GRIN3A: variants seen among roughly 807,000 people sequenced by gnomAD.
The protein encoded by GRIN3A is glutamate receptor ionotropic, NMDA 3A.
A neutral mutation model predicts 92.4 loss-of-function variants in GRIN3A; 47 were observed. The ratio of observed to expected loss-of-function variants is 0.51; its 90% CI spans 0.40 to 0.65. The LOEUF is 0.65. Ranked by LOEUF, GRIN3A falls within the 30% of genes least tolerant of loss-of-function variation. The pLI is 0.00. For synonymous variants in GRIN3A, 527 were observed against 540.6 expected, an observed-to-expected ratio of 0.97 and a Z score of 0.35; for missense variants, 1,324 against 1,393.1, an observed-to-expected ratio of 0.95 and a Z score of 0.79.
chr9:101,605,020 C>T (rs1828260595), intron 6 of GRIN3A, among the ~76,000 whole-genome samples: 2 of 152,204 alleles, frequency 1.3e-5, no homozygotes, highest in South Asian at 2.1e-4. Flanking sequence ...GTCTGGGTCC[C>T]TGGCCAGGGA....
At chr9:101,646,116 T>G (rs1805670609) in intron 3 of GRIN3A, among the ~76,000 whole-genome samples, 1 of 151,940 alleles carries the variant, frequency 6.6e-6, no homozygotes, top group South Asian at 2.1e-4. Context: ...ACGTTGCTTG[T>G]GCTTTTGAGA....
chr9:101,607,422 C>CAA (rs1828301302), intron 6 of GRIN3A, among the ~76,000 whole-genome samples: 1 of 152,094 alleles, frequency 6.6e-6, no homozygotes, highest in South Asian at 2.1e-4. Context: ...CTGTAACTAG[C>CAA]AAAATGGTAT....
intron 1 of GRIN3A, among the ~76,000 whole-genome samples, chr9:101,702,456 C>A (rs1213895290): frequency 6.6e-6 from 1 of 152,138 alleles, no homozygotes; most frequent in African/African-American, 2.4e-5. Context: ...CTCTACATAC[C>A]TTTCAGCACA....
At chr9:101,669,240 C>A (rs1168968931) in intron 3 of GRIN3A, among the ~76,000 whole-genome samples, 2 of 152,104 alleles carry the variant, frequency 1.3e-5, no homozygotes. Flanking sequence ...TTGGGCTGGA[C>A]TAATTTTCTG....
Position 101,670,396 on chromosome 9 carries a change from T to A in GRIN3A, c.2016A>T (p.Pro672=), listed in dbSNP as rs752365688. The A allele has an allele frequency of 2.5e-6, 4 of 1,613,790 alleles. No homozygotes were observed. The highest frequency in any genetic ancestry group is 3.4e-6 in the Non-Finnish European group (4 of 1,179,916). ...TCCCCAGCCACATTGTCCAGTGGAG[T>A]GGCCACATGAAGGCTCCAATGGGAG... is the stretch of plus-strand genomic sequence containing the variant. ...TAAPIGAFMW[P]LHWTMWLGIF... The change falls in exon 3 of 9, where the codon CCA becomes CCT. Residue 672 remains proline, a synonymous_variant. Transcript: ENST00000361820.
At position 101,628,438 on chromosome 9, in the gene GRIN3A, T is replaced by G. The variant is rs1182013334; in HGVS notation, c.2353-37A>C. 10 of 1,593,144 alleles carry G rather than the reference T, an allele frequency of 6.3e-6. No individual in the cohort carries two copies. In the African/African-American group the frequency reaches 9.4e-5, roughly 15 times the overall value. On this transcript the variant is annotated intron_variant, in intron 3 of 8. Coordinates refer to ENST00000361820, the MANE Select transcript of GRIN3A (RefSeq NM_133445.3). Reference sequence around the variant, plus strand: ...AAAAAGAAATGGCTTAAATAAAAATTATTCTTAGAAGTGTTTTTTAACATT... The same window carrying G: ...AAAAAGAAATGGCTTAAATAAAAATGATTCTTAGAAGTGTTTTTTAACATT...
At chr9:101,578,799 CA>C (rs1473092651) in intron 7 of GRIN3A, among the ~76,000 whole-genome samples, 1 of 152,150 alleles carries the variant, frequency 6.6e-6, no homozygotes, top group Non-Finnish European at 1.5e-5. Flanking sequence ...GCAGAGAGAA[CA>C]GGGGCAAGTG....
chr9:101,716,986 C>T (rs550455627), intron 1 of GRIN3A, among the ~76,000 whole-genome samples: 2 of 152,220 alleles, frequency 1.3e-5, no homozygotes, highest in South Asian at 2.1e-4. Flanking sequence ...CAGTGACATA[C>T]GATATCACTA....
At chr9:101,699,886 AG>A (rs769480018) in intron 1 of GRIN3A, among the ~76,000 whole-genome samples, 7 of 152,170 alleles carry the variant, frequency 4.6e-5, no homozygotes, top group Non-Finnish European at 8.8e-5. Flanking sequence ...CTACATCCAC[AG>A]GTAAGTCATT....
intron 6 of GRIN3A, among the ~76,000 whole-genome samples, chr9:101,587,256 G>A (rs1827961978): frequency 6.7e-6 from 1 of 150,298 alleles, no homozygotes; most frequent in African/African-American, 2.5e-5. Context: ...GCTGCAGTGA[G>A]CTGAAATTGC....
At chr9:101,574,404 G>A (rs1168398371) in intron 8 of GRIN3A, among the ~76,000 whole-genome samples, 1 of 152,204 alleles carries the variant, frequency 6.6e-6, no homozygotes, top group Non-Finnish European at 1.5e-5. Context: ...AGAAGAAGCA[G>A]GAGGAGGAGT....
At chr9:101,735,804 C>T (rs1830197138) in intron 1 of GRIN3A, among the ~76,000 whole-genome samples, 1 of 151,802 alleles carries the variant, frequency 6.6e-6, no homozygotes, top group African/African-American at 2.4e-5. Context: ...TTTTCCATGC[C>T]TTCCCATCTG....
At position 101,571,379 on chromosome 9, in the gene GRIN3A, C is replaced by G. The variant is rs1448662489; in HGVS notation, c.*1795G>C. 1 of 152,176 alleles carries G rather than the reference C, an allele frequency of 6.6e-6. No individual in the cohort carries two copies. Among genetic ancestry groups the G allele is most frequent in the African/African-American group, 2.4e-5 (1 of 41,428 alleles). 9.4% of individuals were successfully genotyped at this position (152,176 alleles called of 1,614,324 possible). A position where few individuals can be genotyped will look rare whatever the true frequency, so the allele number is the denominator to read the frequency against. On this transcript the variant is annotated 3_prime_UTR_variant, in exon 9 of 9. Transcript: ENST00000361820. The stretch of plus-strand genomic sequence containing the variant: ...GGGTAGATTTTGGTGGAAATGCAGA[C>G]ATTTCATCCAGTAGTAGAGGGAGAA...
intron 2 of GRIN3A, among the ~76,000 whole-genome samples, chr9:101,678,960 A>G (rs72745382): frequency 0.013 from 1,935 of 152,278 alleles, 16 homozygotes; most frequent in Non-Finnish European, 0.021. Flanking sequence ...CTTCTATACA[A>G]TTATGATCTC....
intron 1 of GRIN3A, among the ~76,000 whole-genome samples, chr9:101,730,615 A>G (rs113808443): frequency 1.9e-4 from 29 of 152,176 alleles, no homozygotes; most frequent in African/African-American, 7.0e-4. Context: ...CCCACCTTAT[A>G]TTTCCTCCAT....
intron 1 of GRIN3A, among the ~76,000 whole-genome samples, chr9:101,731,429 G>A (rs1312977285): frequency 6.6e-6 from 1 of 152,140 alleles, no homozygotes; most frequent in African/African-American, 2.4e-5. Flanking sequence ...CATAAATGCT[G>A]CAAAAATATA....
intron 6 of GRIN3A, chr9:101,603,076 A>T (rs1295723618): frequency 6.6e-6 from 1 of 152,380 alleles, no homozygotes; most frequent in Admixed American, 6.5e-5. Flanking sequence ...AGTTAGTTAA[A>T]CCAGCAATTT....
intron 6 of GRIN3A, among the ~76,000 whole-genome samples, chr9:101,580,340 A>T (rs7023041): frequency 0.28 from 42,185 of 152,094 alleles, 6,554 homozygotes; most frequent in African/African-American, 0.42. Context: ...GACAGGCGCT[A>T]TTCGTATGTT....
At chr9:101,721,836 G>A (rs1193264474) in intron 1 of GRIN3A, among the ~76,000 whole-genome samples, 1 of 152,220 alleles carries the variant, frequency 6.6e-6, no homozygotes, top group East Asian at 1.9e-4. Context: ...TGACTTGGGT[G>A]CTGTTAAAAG....
Sources: gnomAD v4.1 joint callset for allele counts (sites outside exome capture counted in the v4.1 genomes callset) on GRCh38, gnomAD v4.1.1 for gene constraint, MANE v1.5 for transcripts, NCBI Gene and HGNC (gene_info 2026-07-23, HGNC 2026-07-21) for gene names.